SHC2: variants seen among roughly 807,000 people sequenced by gnomAD.
The protein encoded by SHC2 is SHC adaptor protein 2, also known as SHC-transforming protein 2.
In SHC2, 62 loss-of-function variants were observed where a neutral mutation model predicts 60.6. The observed-to-expected ratio is 1.02, with a 90% CI of 0.83 to 1.26. The LOEUF (loss-of-function observed/expected upper bound fraction) is 1.26. SHC2 is among the 50% of genes most tolerant of loss of function. The pLI, the probability that SHC2 is intolerant of heterozygous loss-of-function variation, is 0.00. For missense variants in SHC2, 873 were observed against 822.2 expected (o/e 1.06, Z -0.76); for synonymous variants, 375 against 372.4 (o/e 1.01, Z -0.08).
intron 9 of SHC2, among the ~76,000 whole-genome samples, chr19:427,569 C>T (rs1339217493): frequency 9.8e-5 from 12 of 122,310 alleles, no homozygotes; most frequent in Non-Finnish European, 3.3e-5. Flanking sequence ...GAATTGCGCA[C>T]GGCACAGGGA....
At chr19:443,122 GTGGACAGA>G (rs1328420008) in intron 1 of SHC2, among the ~76,000 whole-genome samples, 1 of 147,566 alleles carries the variant, frequency 6.8e-6, no homozygotes, top group Admixed American at 6.8e-5. Flanking sequence ...GGTTGGATGG[GTGGACAGA>G]TGGGTAGATG....
At chr19:460,150 G>C (rs116322329) in intron 1 of SHC2, among the ~76,000 whole-genome samples, 1 of 152,190 alleles carries the variant, frequency 6.6e-6, no homozygotes, top group African/African-American at 2.4e-5. Flanking sequence ...CCCCACCGCA[G>C]GCCAGCGTCT....
chr19:419,775 C>A (rs1210639895), intron 11 of SHC2: 2 of 152,176 alleles, frequency 1.3e-5, no homozygotes, highest in Non-Finnish European at 1.5e-5. Context: ...CAAAATCCAG[C>A]TGCATTTTTG....
At chr19:417,685 G>C (rs1263377622) in intron 12 of SHC2, among the ~76,000 whole-genome samples, 1 of 152,224 alleles carries the variant, frequency 6.6e-6, no homozygotes, top group Admixed American at 6.5e-5. Context: ...ACGCCTTTCC[G>C]AGGGGACGCA....
intron 9 of SHC2, among the ~76,000 whole-genome samples, chr19:430,251 C>T (rs574595843): frequency 3.3e-5 from 5 of 151,114 alleles, no homozygotes; most frequent in Non-Finnish European, 7.4e-5. Flanking sequence ...TGCACGGAAA[C>T]CTAATACCGT....
At chr19:434,968 C>T in intron 7 of SHC2, 103 bp from the exon 8 acceptor site, 1 of 1,243,630 alleles carries the variant, frequency 8.0e-7, no homozygotes, top group Admixed American at 2.4e-5. Context: ...GAGTTCGAAT[C>T]CCAGCCCCCC....
At position 438,971 on chromosome 19, in the gene SHC2, T is replaced by C. The variant is rs761201305; in HGVS notation, c.599A>G (p.Lys200Arg). The stretch of plus-strand genomic sequence containing the variant: ...CGAGAGACCACAAGCCTCACTCACC[T>C]TTTTCTTCCAGGATCCCCGGACGCC... ...VPGVRGSWKK[K>R]APNKALASVL... The change falls in exon 3 of 13, where the codon AAG becomes AGG. Residue 200 changes from lysine to arginine, a missense_variant and splice_region_variant. Transcript: ENST00000264554. This position sits in a 1 kb window ranked among gnomAD's most constrained non-coding sequence, Gnocchi z 5.0. 6.3e-7 allele frequency: 1 copy of C among 1,597,834 alleles called. No individual in the cohort carries two copies. The highest frequency in any genetic ancestry group is 8.5e-7 in the Non-Finnish European group (1 of 1,172,526).
chr19:455,723 G>A (rs1460479739), intron 1 of SHC2, among the ~76,000 whole-genome samples: 1 of 152,186 alleles, frequency 6.6e-6, no homozygotes. Flanking sequence ...GGGCAGAGTT[G>A]GTTCCCAATC....
intron 12 of SHC2, among the ~76,000 whole-genome samples, 167 bp downstream of exon 12, chr19:418,756 T>G (rs1318398674): frequency 3.3e-5 from 5 of 151,946 alleles, no homozygotes; most frequent in East Asian, 3.9e-4. Flanking sequence ...GCTGACAGAA[T>G]GTTCTGGAAT....
intron 9 of SHC2, among the ~76,000 whole-genome samples, chr19:429,138 A>ACGCAG (rs1974497886): frequency 1.3e-5 from 2 of 149,054 alleles, no homozygotes; most frequent in African/African-American, 4.9e-5. Flanking sequence ...TGTGTGGATG[A>ACGCAG]TGCAGTACCT....
chr19:459,793 T>C (rs1423366390), intron 1 of SHC2, among the ~76,000 whole-genome samples: 4 of 152,162 alleles, frequency 2.6e-5, no homozygotes, highest in African/African-American at 4.8e-5. Flanking sequence ...GGCTGATCAT[T>C]TTCCCAGACG....
chr19:439,043 G>C lies in SHC2; in HGVS notation c.540-13C>G. On this transcript the variant is annotated splice_polypyrimidine_tract_variant and intron_variant, in intron 2 of 12. Coordinates refer to ENST00000264554, the MANE Select transcript of SHC2 (RefSeq NM_012435.3). ...GTTGATGGCTTCCCTGGGGTTGGGA[G>C]GAGGGGGCTTAGAGAGTGTGGTGGG... The C allele has an allele frequency of 6.3e-7, 1 of 1,577,494 alleles. No individual in the cohort carries two copies. The highest frequency in any genetic ancestry group is 8.6e-7 in the Non-Finnish European group (1 of 1,161,874).
chr19:422,566 G>T lies in SHC2; in HGVS notation c.1310-110C>A. 1 of 902,464 alleles carries T rather than the reference G, an allele frequency of 1.1e-6. No homozygotes were observed. Among genetic ancestry groups the T allele is most frequent in the Non-Finnish European group, 1.6e-6 (1 of 607,310 alleles). 55.9% of individuals were successfully genotyped at this position (902,464 alleles called of 1,614,324 possible). ...CCGGGGAGTCCCTCGTGCACCCGTC[G>T]GCCTGCGCTGACCGAGCGCCCACAG... On this transcript the variant is annotated intron_variant, in intron 10 of 12. Coordinates refer to ENST00000264554, the MANE Select transcript of SHC2 (RefSeq NM_012435.3). The surrounding 1 kb of genome is among the most constrained non-coding windows in gnomAD (Gnocchi z 5.0).
chr19:448,754 C>G (rs993028276), intron 1 of SHC2, among the ~76,000 whole-genome samples: 1 of 152,170 alleles, frequency 6.6e-6, no homozygotes, highest in African/African-American at 2.4e-5. Context: ...AAACACCAGG[C>G]AGACACAAAC....
In SHC2 at chr19:424,701, CCCG is replaced by C. The variant is rs1974365009; in HGVS notation, c.1309+393_1309+395del. Among the ~76,000 whole-genome samples the C allele has an allele frequency of 6.6e-6, 1 of 152,152 alleles. No individual in the cohort carries two copies. Among genetic ancestry groups the C allele is most frequent in the African/African-American group, 2.4e-5 (1 of 41,432 alleles). On this transcript the variant is annotated intron_variant, in intron 10 of 12. Coordinates refer to ENST00000264554, the MANE Select transcript of SHC2 (RefSeq NM_012435.3). This position sits in a 1 kb window ranked among gnomAD's most constrained non-coding sequence, Gnocchi z 4.5. ...TTCCGACAGAGGCAGGTGGGTTACC[CCCG>C]AGAGAGTGGAGCTTCTCACAGAGCG...
At position 441,227 on chromosome 19, in the gene SHC2, G is replaced by A. The variant is rs1333996096; in HGVS notation, c.469-295C>T. 2.1e-6 allele frequency: 2 copies of A among 938,458 alleles called. No homozygotes were observed. Among genetic ancestry groups the A allele is most frequent in the Non-Finnish European group, 2.5e-6 (2 of 789,462 alleles). The allele number at this position is 938,458 out of a possible 1,614,324, so 58.1% of individuals were successfully genotyped here. On this transcript the variant is annotated intron_variant, in intron 1 of 12. Coordinates refer to ENST00000264554, the MANE Select transcript of SHC2 (RefSeq NM_012435.3). This position sits in a 1 kb window ranked among gnomAD's most constrained non-coding sequence, Gnocchi z 4.9. ...TTCATTTAACCGTCTTGCCCTCGTC[G>A]GTCTCTTTCTGTTCCACCAGCACCG...
chr19:451,887 G>T (rs540468236), intron 1 of SHC2, among the ~76,000 whole-genome samples: 1 of 152,178 alleles, frequency 6.6e-6, no homozygotes, highest in East Asian at 1.9e-4. Flanking sequence ...ATGAGCCTCC[G>T]TGCCTGGCAG....
intron 5 of SHC2, 83 bp from the exon 6 acceptor site, chr19:436,514 T>C (rs541030157): frequency 6.5e-4 from 1,031 of 1,586,922 alleles, no homozygotes; most frequent in Non-Finnish European, 8.4e-4. Flanking sequence ...TGCAGAGAGA[T>C]GGGGCAGTGG....
rs1489145225 is a variant in SHC2, at chr19:441,117, C to T, written c.469-185G>A. 2 of 984,826 alleles carry T rather than the reference C, an allele frequency of 2.0e-6. No homozygotes were observed. Among genetic ancestry groups the T allele is most frequent in the Admixed American group, 1.2e-4 (2 of 16,272 alleles). The allele number at this position is 984,826 out of a possible 1,614,324, so 61.0% of individuals were successfully genotyped here. A position where few individuals can be genotyped will look rare whatever the true frequency, so the allele number is the denominator to read the frequency against. On this transcript the variant is annotated intron_variant, in intron 1 of 12. Coordinates refer to ENST00000264554, the MANE Select transcript of SHC2 (RefSeq NM_012435.3). This position sits in a 1 kb window ranked among gnomAD's most constrained non-coding sequence, Gnocchi z 4.9. ...CCCAGCCTTGACACTGTCCTGCGAG[C>T]CGCCCCCTCTGACTCCAGGCATGTT...
Sources: allele counts gnomAD v4.1 joint callset (sites outside exome capture counted in the v4.1 genomes callset), GRCh38; gene constraint gnomAD v4.1.1; non-coding constraint Gnocchi (gnomAD v3.1); transcripts MANE v1.5; gene names NCBI Gene and HGNC (gene_info 2026-07-23, HGNC 2026-07-21).